PARP15: variants seen among roughly 807,000 people sequenced by gnomAD.
PARP15 encodes the protein protein mono-ADP-ribosyltransferase PARP15.
A neutral mutation model predicts 62.1 loss-of-function variants in PARP15; 50 were observed. The observed-to-expected ratio is 0.81, with a 90% CI of 0.64 to 1.02. The LOEUF (loss-of-function observed/expected upper bound fraction) is 1.02, where lower values mean the gene tolerates loss of function less well. Among genes scored for constraint, PARP15 ranks in the 50% least tolerant of loss-of-function variants. The pLI is 0.00. For synonymous variants in PARP15, 309 were observed against 293.1 expected (o/e 1.05, Z -0.55); for missense variants, 820 against 826.5 (o/e 0.99, Z 0.10).
intron 1 of PARP15, among the ~76,000 whole-genome samples, chr3:122,592,878 G>T (rs1456563433): frequency 2.0e-5 from 3 of 152,088 alleles, no homozygotes; most frequent in Non-Finnish European, 4.4e-5. Context: ...ACACTAAATG[G>T]CCTTATTAAT....
At position 122,635,113 on chromosome 3, in the gene PARP15, C is replaced by A. The variant is rs769848554; in HGVS notation, c.1666C>A (p.Leu556Ile). Residue 556 changes from leucine to isoleucine, a missense_variant, in exon 11 of 12, where the codon CTC becomes ATC. Around this residue, in one of 3 missense-constraint regions of PARP15, gnomAD observed 731 missense variants for 727.7 expected, o/e 1.00. Coordinates refer to ENST00000464300, the MANE Select transcript of PARP15 (RefSeq NM_001113523.3). ...GAATGACCATAAGAATAATGAGAGA[C>A]TCCTCTTCCATGGGACAGATGCAGA... Reference protein sequence around the residue: ...IKNDHKNNERLLFHGTDADSV... With the variant: ...IKNDHKNNERILFHGTDADSV... 1.2e-6 allele frequency: 2 copies of A among 1,613,896 alleles called. No individual in the cohort carries two copies. The highest frequency in any genetic ancestry group is 1.7e-6 in the Non-Finnish European group (2 of 1,179,928).
intron 1 of PARP15, among the ~76,000 whole-genome samples, chr3:122,596,237 T>C (rs879672943): frequency 4.6e-5 from 7 of 150,778 alleles, no homozygotes; most frequent in Non-Finnish European, 7.4e-5. Context: ...GTGCCTGTAA[T>C]CCCAGCTACT....
intron 4 of PARP15, among the ~76,000 whole-genome samples, chr3:122,613,673 G>T (rs1043495787): frequency 1.3e-5 from 2 of 152,154 alleles, no homozygotes; most frequent in Non-Finnish European, 2.9e-5. Flanking sequence ...ACTAGAAATA[G>T]CAGCACCATA....
chr3:122,635,465 G>A (rs1937304088), intron 11 of PARP15, among the ~76,000 whole-genome samples: 2 of 151,870 alleles, frequency 1.3e-5, no homozygotes, highest in Admixed American at 1.3e-4. Context: ...CTGGAGTGCA[G>A]TGGCAAGATC....
intron 1 of PARP15, among the ~76,000 whole-genome samples, chr3:122,597,392 G>C (rs1485371587): frequency 6.6e-6 from 1 of 151,050 alleles, no homozygotes; most frequent in Non-Finnish European, 1.5e-5. Context: ...TTAAGTTTTA[G>C]GGTACATGTG....
At position 122,613,054 on chromosome 3, in the gene PARP15, T is replaced by C. The variant is rs1022579033; in HGVS notation, c.557T>C (p.Ile186Thr). Residue 186 changes from isoleucine (I) to threonine (T), a missense_variant, in exon 4 of 12, where the codon ATA becomes ACA. This residue lies in a region of PARP15 where 731 missense variants were observed against 727.7 expected (regional missense o/e 1.00). Transcript: ENST00000464300. ...TGCACATTTCAGATCATGGCAAATA[T>C]AATCAAGAAATGTTTGACAACTGTA... Reference protein sequence around the residue: ...AETSWQIMANIIKKCLTTVEV... With the variant: ...AETSWQIMANTIKKCLTTVEV... The C allele has an allele frequency of 2.6e-6, 4 of 1,551,282 alleles. No homozygotes were observed. Among genetic ancestry groups the C allele is most frequent in the African/African-American group, 2.7e-5 (2 of 73,038 alleles).
In PARP15 at chr3:122,610,487, C is replaced by G. The variant is rs765016652; in HGVS notation, c.307-7C>G. On this transcript the variant is annotated splice_polypyrimidine_tract_variant and splice_region_variant and intron_variant, in intron 2 of 11. Transcript: ENST00000464300. ...TTCAATCTCTAACTGTTGCTATTTT[C>G]GTTAAGGCCGATGTCATTGTCAACA... is the stretch of plus-strand genomic sequence containing the variant. 3 of 1,545,762 alleles carry G rather than the reference C, an allele frequency of 1.9e-6. No individual in the cohort carries two copies. In the East Asian group the frequency reaches 7.3e-5, roughly 38 times the overall value.
At chr3:122,605,450 C>T (rs373494785) in intron 1 of PARP15, among the ~76,000 whole-genome samples, 1 of 152,162 alleles carries the variant, frequency 6.6e-6, no homozygotes, top group Non-Finnish European at 1.5e-5. Flanking sequence ...GATATTCAAA[C>T]ATTATAATAA....
intron 1 of PARP15, among the ~76,000 whole-genome samples, chr3:122,588,081 C>G (rs1559926694): frequency 6.6e-6 from 1 of 152,072 alleles, no homozygotes; most frequent in Non-Finnish European, 1.5e-5. Flanking sequence ...GTATAGCAAG[C>G]CAAGTTCCTA....
chr3:122,606,736 CA>C (rs1416223233), intron 2 of PARP15, among the ~76,000 whole-genome samples: 1 of 152,122 alleles, frequency 6.6e-6, no homozygotes, highest in African/African-American at 2.4e-5. Context: ...GTGTAGGCGA[CA>C]ATAGTTTTTG....
Position 122,619,722 on chromosome 3 carries a change from A to G in PARP15, c.1001-59A>G, listed in dbSNP as rs189061280. 496 of 1,420,784 alleles carry G rather than the reference A, an allele frequency of 3.5e-4. 3 individuals are homozygous for G. In the African/African-American group the frequency reaches 6.7e-3, roughly 19 times the overall value. 88.0% of individuals were successfully genotyped at this position (1,420,784 alleles called of 1,614,324 possible). On this transcript the variant is annotated intron_variant, in intron 6 of 11. Transcript: ENST00000464300. Reference sequence around the variant, plus strand: ...TTGAGCAGAAGTCTAATGTACAAAAACTATAACCACTTATTGAATTCTAAC... The same window carrying G: ...TTGAGCAGAAGTCTAATGTACAAAAGCTATAACCACTTATTGAATTCTAAC...
chr3:122,593,330 CG>C (rs1201272858), intron 1 of PARP15, among the ~76,000 whole-genome samples: 3 of 151,952 alleles, frequency 2.0e-5, no homozygotes, highest in Non-Finnish European at 4.4e-5. Context: ...TTAATAGAGA[CG>C]GGGTTTCACC....
chr3:122,611,731 T>C (rs1455987864), intron 3 of PARP15, among the ~76,000 whole-genome samples: 1 of 151,970 alleles, frequency 6.6e-6, no homozygotes, highest in Non-Finnish European at 1.5e-5. Flanking sequence ...ATTTATTTTT[T>C]GAGATGGAGT....
chr3:122,606,293 C>A (rs368356155), intron 2 of PARP15, among the ~76,000 whole-genome samples: 5 of 152,156 alleles, frequency 3.3e-5, no homozygotes, highest in African/African-American at 1.2e-4. Flanking sequence ...CAAGAGTTTG[C>A]AAATCTATCT....
At chr3:122,600,233 G>A (rs1934684715) in intron 1 of PARP15, among the ~76,000 whole-genome samples, 1 of 152,112 alleles carries the variant, frequency 6.6e-6, no homozygotes, top group Non-Finnish European at 1.5e-5. Flanking sequence ...GTAGGCTAGG[G>A]AGTTCAATTA....
chr3:122,619,673 A>T (rs1347883978), intron 6 of PARP15, 108 bp from the exon 7 acceptor site: 7 of 958,924 alleles, frequency 7.3e-6, no homozygotes, highest in Non-Finnish European at 1.2e-5. Flanking sequence ...GGGGTGGTCA[A>T]TGGATTATGC....
chr3:122,617,787 G>A (rs997370881), intron 6 of PARP15, among the ~76,000 whole-genome samples: 3 of 152,184 alleles, frequency 2.0e-5, no homozygotes, highest in African/African-American at 4.8e-5. Flanking sequence ...GGAATGCAGT[G>A]GTGCAATCTT....
At chr3:122,623,393 G>C (rs1180631740) in intron 8 of PARP15, among the ~76,000 whole-genome samples, 3 of 152,204 alleles carry the variant, frequency 2.0e-5, no homozygotes, top group Admixed American at 6.5e-5. Context: ...CAATGCAGAG[G>C]TCACAGGTGT....
chr3:122,635,106 TGAG>T lies in PARP15; in HGVS notation c.1660_1662del (p.Glu554del), dbSNP rs779083723. On this transcript the variant is annotated inframe_deletion, in exon 11 of 12. Coordinates refer to ENST00000464300, the MANE Select transcript of PARP15 (RefSeq NM_001113523.3). ...ATATCAAGAATGACCATAAGAATAA[TGAG>T]AGACTCCTCTTCCATGGGACAGATG... The T allele has an allele frequency of 3.7e-6, 6 of 1,613,986 alleles. No individual in the cohort carries two copies. The highest frequency in any genetic ancestry group is 5.1e-6 in the Non-Finnish European group (6 of 1,179,924).
Sources: gnomAD v4.1 joint callset for allele counts (sites outside exome capture counted in the v4.1 genomes callset) on GRCh38, gnomAD v4.1.1 for gene constraint, gnomAD v4.1.1 regional missense constraint, MANE v1.5 for transcripts, NCBI Gene and HGNC (gene_info 2026-07-23, HGNC 2026-07-21) for gene names.